Variants in SDK2 observed in about 807,000 individuals in gnomAD.
SDK2 encodes the protein sidekick cell adhesion molecule 2.
A neutral mutation model predicts 253.9 loss-of-function variants in SDK2; 105 were observed. The ratio of observed to expected loss-of-function variants is 0.41; its 90% CI spans 0.35 to 0.49. SDK2 has a LOEUF of 0.49. Ranked by LOEUF, SDK2 falls within the 20% of genes least tolerant of loss-of-function variation. SDK2 has a pLI of 0.06. For missense variants in SDK2, 2,608 were observed against 3,003.0 expected, an observed-to-expected ratio of 0.87 and a Z score of 3.07; for synonymous variants, 1,249 against 1,234.9, an observed-to-expected ratio of 1.01 and a Z score of -0.24.
chr17:73,555,842 C>T (rs1300170149), intron 1 of SDK2, among the ~76,000 whole-genome samples: 1 of 152,226 alleles, frequency 6.6e-6, no homozygotes, highest in East Asian at 1.9e-4. Flanking sequence ...GCTGCAGACT[C>T]CAAACACCTG....
Position 73,433,719 on chromosome 17 carries a change from G to A in SDK2, c.1312+13C>T, listed in dbSNP as rs532541917. On this transcript the variant is annotated intron_variant, in intron 10 of 44. Transcript: ENST00000392650. ...TCACCCAGCCACACTCTCTGAAGGT[G>A]TGTTCCATCTACCTTTCTGCCAAGT... is the stretch of plus-strand genomic sequence containing the variant. 6.4e-7 allele frequency: 1 copy of A among 1,555,070 alleles called. No individual in the cohort carries two copies. Among genetic ancestry groups the A allele is most frequent in the Admixed American group, 1.8e-5 (1 of 55,614 alleles).
intron 36 of SDK2, among the ~76,000 whole-genome samples, chr17:73,378,371 G>A: frequency 6.6e-6 from 1 of 150,728 alleles, no homozygotes; most frequent in African/African-American, 2.4e-5. Context: ...TAAAGTGCGG[G>A]AATTACAGGT....
chr17:73,365,125 A>T, intron 38 of SDK2, 133 bp downstream of exon 38: 1 of 591,882 alleles, frequency 1.7e-6, no homozygotes, highest in Non-Finnish European at 2.6e-6. Flanking sequence ...TCTGGGACTC[A>T]GTTTCCGTGT....
chr17:73,596,187 G>A (rs2045755951), intron 1 of SDK2, among the ~76,000 whole-genome samples: 3 of 152,174 alleles, frequency 2.0e-5, no homozygotes, highest in Non-Finnish European at 4.4e-5. Context: ...GAGCCACTGG[G>A]CAATCTGGGG....
chr17:73,426,775 G>A (rs2063287114), intron 12 of SDK2, among the ~76,000 whole-genome samples: 1 of 152,174 alleles, frequency 6.6e-6, no homozygotes, highest in African/African-American at 2.4e-5. Context: ...GTTGCAGAGA[G>A]TAATTCCCAT....
intron 8 of SDK2, among the ~76,000 whole-genome samples, chr17:73,436,988 T>C (rs2145622956): frequency 6.6e-6 from 1 of 152,296 alleles, no homozygotes; most frequent in African/African-American, 2.4e-5. Context: ...GTTTATTATG[T>C]ATCTCCCCAC....
intron 37 of SDK2, among the ~76,000 whole-genome samples, chr17:73,367,786 G>A (rs570709437): frequency 6.6e-6 from 1 of 152,314 alleles, no homozygotes; most frequent in African/African-American, 2.4e-5. Context: ...TTACAGGCGT[G>A]AGCCACCATG....
intron 1 of SDK2, among the ~76,000 whole-genome samples, chr17:73,640,580 G>T (rs1405864050): frequency 6.6e-6 from 1 of 152,202 alleles, no homozygotes; most frequent in African/African-American, 2.4e-5. Flanking sequence ...ATTAGCGAAA[G>T]GCCCTGATCA....
At chr17:73,369,166 C>A (rs761451577) in intron 36 of SDK2, 3 of 470,862 alleles carry the variant, frequency 6.4e-6, no homozygotes, top group African/African-American at 2.0e-5. Context: ...TTTACCATAG[C>A]GCTGGCACAT....
rs567131166 is a variant in SDK2, at chr17:73,613,916, A to G, written c.64+30109T>C. 1.3e-3 allele frequency among the ~76,000 whole-genome samples: 192 copies of G among 152,352 alleles called. 2 individuals carry two copies. The highest frequency in any genetic ancestry group is 4.4e-3 in the African/African-American group (181 of 41,578). On this transcript the variant is annotated intron_variant, in intron 1 of 44. Coordinates refer to ENST00000392650, the MANE Select transcript of SDK2 (RefSeq NM_001144952.2). ...AGGAGGACCTTTGAGCAGTCAAAGG[A>G]CCAGTGCTCCTTAATTCAATTTATC...
rs1245689427 is a variant in SDK2, at chr17:73,386,011, G to A, written c.4499-94C>T. 14 of 910,798 alleles carry A rather than the reference G, an allele frequency of 1.5e-5. No homozygotes were observed. The East Asian group carries it at 1.6e-4, about 10-fold the overall frequency. The allele number at this position is 910,798 out of a possible 1,614,324, so 56.4% of individuals were successfully genotyped here. A position where few individuals can be genotyped will look rare whatever the true frequency, so the allele number is the denominator to read the frequency against. ...CCAGATTCTGCTAATACTGGACTGC[G>A]GGGCAGGTCCAGATCGCATCGCCCT... On this transcript the variant is annotated intron_variant, in intron 31 of 44. Coordinates refer to ENST00000392650, the MANE Select transcript of SDK2 (RefSeq NM_001144952.2).
At chr17:73,582,672 G>T (rs113854583) in intron 1 of SDK2, among the ~76,000 whole-genome samples, 2,091 of 152,238 alleles carry the variant, frequency 0.014, 62 homozygotes, top group African/African-American at 0.049. Flanking sequence ...GTCCTGAATG[G>T]TGCCTTCATC....
At chr17:73,486,915 C>T (rs1450122335) in intron 2 of SDK2, among the ~76,000 whole-genome samples, 4 of 152,070 alleles carry the variant, frequency 2.6e-5, no homozygotes, top group Admixed American at 2.6e-4. Context: ...CAGGTGAGGG[C>T]AGTAGCTTGA....
At chr17:73,584,570 C>G (rs1208778829) in intron 1 of SDK2, among the ~76,000 whole-genome samples, 1 of 152,236 alleles carries the variant, frequency 6.6e-6, no homozygotes, top group Non-Finnish European at 1.5e-5. Flanking sequence ...CTAGCACGTA[C>G]CCAGGGAGCA....
intron 1 of SDK2, among the ~76,000 whole-genome samples, chr17:73,613,589 ACCC>A (rs1567873703): frequency 1.9e-3 from 20 of 10,620 alleles, no homozygotes; most frequent in African/African-American, 8.8e-3. Context: ...GTGCGGCCCC[ACCC>A]CCACCCCCAC....
intron 38 of SDK2, 122 bp downstream of exon 38, chr17:73,365,136 T>G: frequency 1.5e-6 from 1 of 682,142 alleles, no homozygotes; most frequent in Non-Finnish European, 2.2e-6. Context: ...GTTTCCGTGT[T>G]TATAAGATGG....
rs1222390070 is a variant in SDK2, at chr17:73,612,370, C to T, written c.64+31655G>A. 6.7e-6 allele frequency among the ~76,000 whole-genome samples: 1 copy of T among 149,820 alleles called. No individual in the cohort carries two copies. Among genetic ancestry groups the T allele is most frequent in the Non-Finnish European group, 1.5e-5 (1 of 67,488 alleles). ...ACCTGGGCTGCAGGCTGGCCCCGCACAGTCCCCACCCTCACCGGGTCCCTG... is the reference window on the plus strand; with the variant it reads ...ACCTGGGCTGCAGGCTGGCCCCGCATAGTCCCCACCCTCACCGGGTCCCTG... On this transcript the variant is annotated intron_variant, in intron 1 of 44. Coordinates refer to ENST00000392650, the MANE Select transcript of SDK2 (RefSeq NM_001144952.2). This position sits in a 1 kb window ranked among gnomAD's most constrained non-coding sequence, Gnocchi z 4.4.
Position 73,368,553 on chromosome 17 carries a change from C to T in SDK2, c.5021G>A (p.Arg1674Gln), listed in dbSNP as rs775980806. 4.7e-5 allele frequency: 76 copies of T among 1,605,348 alleles called. No homozygotes were observed. Among genetic ancestry groups the T allele is most frequent in the South Asian group, 1.7e-4 (15 of 88,994 alleles). ...CTCAGCCAGGAAAAGCGTCTTCACT[C>T]GCTCTGTGAGGTTCCCCCGCTGGGC... ...WEAQRGNLTE[R>Q]VKTLFLAENS... The change falls in exon 37 of 45, where the codon CGA becomes CAA. Residue 1674 changes from arginine to glutamine, a missense_variant. Physicochemically the swap from Arg to Gln is conservative, Grantham distance 43. This residue lies in a region of SDK2 where 1,103 missense variants were observed against 1,143.9 expected (regional missense o/e 0.96). Transcript: ENST00000392650.
intron 2 of SDK2, among the ~76,000 whole-genome samples, chr17:73,506,716 A>C (rs1645099069): frequency 1.3e-5 from 2 of 152,216 alleles, no homozygotes; most frequent in Non-Finnish European, 2.9e-5. Context: ...GGATAAGAGC[A>C]GAAAGGAGGG....
Sources: allele counts gnomAD v4.1 joint callset (sites outside exome capture counted in the v4.1 genomes callset), GRCh38; gene constraint gnomAD v4.1.1; regional missense constraint gnomAD v4.1.1; non-coding constraint Gnocchi (gnomAD v3.1); transcripts MANE v1.5; gene names NCBI Gene and HGNC (gene_info 2026-07-23, HGNC 2026-07-21).